NR2C2: variants seen among roughly 807,000 people sequenced by gnomAD.
NR2C2 encodes nuclear receptor subfamily 2 group C member 2.
NR2C2 carries 6 observed loss-of-function variants against 62.9 expected under a neutral mutation model. The observed-to-expected ratio is 0.10, with a 90% CI of 0.05 to 0.19. The LOEUF (loss-of-function observed/expected upper bound fraction) is 0.19. NR2C2 is among the 10% of genes least tolerant of loss of function. NR2C2 has a pLI of 1.00. For synonymous variants in NR2C2, 272 were observed against 273.8 expected (o/e 0.99, Z 0.07); for missense variants, 479 against 762.7 (o/e 0.63, Z 4.38).
At chr3:15,023,995 C>T in intron 6 of NR2C2, 120 bp from the exon 7 acceptor site, 1 of 725,028 alleles carries the variant, frequency 1.4e-6, no homozygotes, top group Non-Finnish European at 2.4e-6. Flanking sequence ...GCTGAGTCTA[C>T]TTAGAGCTTT....
At chr3:14,961,456 A>G (rs2039685105) in intron 1 of NR2C2, among the ~76,000 whole-genome samples, 1 of 152,242 alleles carries the variant, frequency 6.6e-6, no homozygotes, top group South Asian at 2.1e-4. Flanking sequence ...TAGTTTTTAT[A>G]TGTAAATCTT....
At chr3:15,013,858 A>C in intron 3 of NR2C2, 69 bp downstream of exon 3, 1 of 1,537,166 alleles carries the variant, frequency 6.5e-7, no homozygotes, top group Non-Finnish European at 9.0e-7. Context: ...TTGTTCTTAC[A>C]TCTGCCTTCG....
intron 1 of NR2C2, 43 bp from the exon 2 acceptor site, chr3:15,003,833 C>T (rs1218525459): frequency 3.0e-6 from 4 of 1,350,892 alleles, no homozygotes; most frequent in East Asian, 4.7e-5. Context: ...CTCTGGGCAT[C>T]ATTCTGAACC....
At chr3:15,037,209 T>TTTTGTG (rs776536753) in intron 11 of NR2C2, among the ~76,000 whole-genome samples, 8,064 of 130,260 alleles carry the variant, frequency 0.062, 234 homozygotes, top group Middle Eastern at 0.11. Flanking sequence ...TGTTTTTTGT[T>TTTTGTG]TGTGTGTGTG....
chr3:15,029,683 A>G (rs1030481538), intron 8 of NR2C2, among the ~76,000 whole-genome samples: 4 of 152,162 alleles, frequency 2.6e-5, no homozygotes, highest in Non-Finnish European at 4.4e-5. Context: ...GCCTAGGTGC[A>G]GTGGCTCACA....
Position 15,004,685 on chromosome 3 carries a change from TATCTC to T in NR2C2, c.72+701_72+705del, listed in dbSNP as rs1002570122. 43 of 1,537,086 alleles carry T rather than the reference TATCTC, an allele frequency of 2.8e-5. No homozygotes were observed. The African/African-American group carries it at 5.2e-4, about 18-fold the overall frequency. On this transcript the variant is annotated intron_variant, in intron 2 of 13. Coordinates refer to ENST00000425241, the MANE Select transcript of NR2C2 (RefSeq NM_001291694.2). ...TATATTGATGACAAAGATTTATTGT[TATCTC>T]AACAAGCTGAATCAAAAAGCCAATT...
At chr3:15,024,229 T>G (rs753653299) in intron 7 of NR2C2, 21 bp downstream of exon 7, 9 of 1,525,310 alleles carry the variant, frequency 5.9e-6, no homozygotes, top group Non-Finnish European at 8.1e-6. Flanking sequence ...CTACTCATGC[T>G]CTCTCTCATC....
At chr3:15,039,586 G>C (rs559130296) in intron 13 of NR2C2, among the ~76,000 whole-genome samples, 1 of 152,276 alleles carries the variant, frequency 6.6e-6, no homozygotes, top group South Asian at 2.1e-4. Flanking sequence ...TGTACATGAG[G>C]CTTGAGTTCT....
chr3:15,009,894 G>A (rs1000598281), intron 2 of NR2C2, among the ~76,000 whole-genome samples: 2 of 152,002 alleles, frequency 1.3e-5, no homozygotes, highest in Admixed American at 6.6e-5. Flanking sequence ...GGCATTCCTC[G>A]CTTGCTTGCA....
intron 1 of NR2C2, among the ~76,000 whole-genome samples, chr3:14,956,707 G>C (rs1041327758): frequency 6.6e-6 from 1 of 152,112 alleles, no homozygotes; most frequent in Admixed American, 6.5e-5. Flanking sequence ...ATGCCTGGCT[G>C]ATTTTGTATT....
intron 1 of NR2C2, among the ~76,000 whole-genome samples, chr3:14,997,769 GATA>G (rs1188068652): frequency 6.6e-6 from 1 of 152,128 alleles, no homozygotes; most frequent in Non-Finnish European, 1.5e-5. Flanking sequence ...TGAATTAATT[GATA>G]ATATTTTATC....
chr3:15,042,873 G>A lies in NR2C2; in HGVS notation c.1656G>A (p.Leu552=). ...TCGTTCGCCTGCCGGCACTCAGGCT[G>A]ATGAGCTCCAACATAACAGAAGAAC... ...RILVRLPALR[L]MSSNITEELF... Residue 552 remains leucine (L), a synonymous_variant, in exon 14 of 14, where the codon CTG becomes CTA. Coordinates refer to ENST00000425241, the MANE Select transcript of NR2C2 (RefSeq NM_001291694.2). 7 of 1,614,176 alleles carry A rather than the reference G, an allele frequency of 4.3e-6. No homozygotes were observed. The South Asian group carries it at 5.5e-5, about 13-fold the overall frequency.
chr3:15,000,049 A>G (rs1036395069), intron 1 of NR2C2, among the ~76,000 whole-genome samples: 2 of 152,168 alleles, frequency 1.3e-5, no homozygotes, highest in African/African-American at 4.8e-5. Context: ...TACTCTTAGC[A>G]ATTTTGAAAT....
intron 1 of NR2C2, among the ~76,000 whole-genome samples, chr3:14,967,569 AT>A (rs1257369369): frequency 6.6e-6 from 1 of 152,184 alleles, no homozygotes; most frequent in African/African-American, 2.4e-5. Context: ...AAAAAAAGGA[AT>A]AGCTGAGAAT....
Position 15,037,209 on chromosome 3 carries a change from T to TTTTG in NR2C2, c.1373-790_1373-789insTTGT, listed in dbSNP as rs776536753. 1.9e-3 allele frequency among the ~76,000 whole-genome samples: 242 copies of TTTTG among 130,294 alleles called. 2 individuals carry two copies. The highest frequency in any genetic ancestry group is 3.0e-3 in the African/African-American group (100 of 33,880). The allele number at this position is 130,294 out of a possible 152,430, so 85.5% of individuals were successfully genotyped here. On this transcript the variant is annotated intron_variant, in intron 11 of 13. Transcript: ENST00000425241. ...TTTTTGTTGTGTTATTGTTTTTTGT[T>TTTTG]TGTGTGTGTGTGTGTGTGTGTGTGT... is the stretch of plus-strand genomic sequence containing the variant.
chr3:15,012,807 T>G (rs1004065954), intron 2 of NR2C2, among the ~76,000 whole-genome samples: 1 of 152,206 alleles, frequency 6.6e-6, no homozygotes, highest in Non-Finnish European at 1.5e-5. Flanking sequence ...ATTCTTGTCA[T>G]AGCAGCTGTT....
At chr3:14,996,948 T>C (rs1364112808) in intron 1 of NR2C2, among the ~76,000 whole-genome samples, 2 of 152,194 alleles carry the variant, frequency 1.3e-5, no homozygotes, top group Non-Finnish European at 1.5e-5. Context: ...ACTCCAATAA[T>C]GTTGATGGCT....
chr3:14,988,481 G>A (rs2040571560), intron 1 of NR2C2, among the ~76,000 whole-genome samples: 1 of 152,242 alleles, frequency 6.6e-6, no homozygotes, highest in African/African-American at 2.4e-5. Flanking sequence ...GTTCCCAGAA[G>A]TATAATTATC....
At chr3:15,031,054 C>T (rs1483605644) in intron 9 of NR2C2, among the ~76,000 whole-genome samples, 2 of 152,130 alleles carry the variant, frequency 1.3e-5, no homozygotes, top group East Asian at 1.9e-4. Flanking sequence ...CTGCTGAGGG[C>T]TGAATGCTCT....
Sources: gnomAD v4.1 joint callset for allele counts (sites outside exome capture counted in the v4.1 genomes callset) on GRCh38, gnomAD v4.1.1 for gene constraint, MANE v1.5 for transcripts, NCBI Gene and HGNC (gene_info 2026-07-23, HGNC 2026-07-21) for gene names.